PPM1A: variants seen among roughly 807,000 people sequenced by gnomAD.
PPM1A encodes the protein protein phosphatase, Mg2+/Mn2+ dependent 1A, also known as protein phosphatase 1A.
Under a neutral mutation model 35.0 loss-of-function variants are expected in PPM1A, and 7 were observed. The ratio of observed to expected loss-of-function variants is 0.20; its 90% confidence interval spans 0.11 to 0.38. The LOEUF is 0.38. PPM1A is among the 10% of genes least tolerant of loss of function. The pLI is 1.00. For synonymous variants in PPM1A, 153 were observed against 167.3 expected, an observed-to-expected ratio of 0.91 and a Z score of 0.66; for missense variants, 239 against 467.8, an observed-to-expected ratio of 0.51 and a Z score of 4.51.
rs1191601250 is a variant in PPM1A at position 60,273,915 on chromosome 14, C to T, written c.-20-8769C>T. Among the ~76,000 whole-genome samples, 1 of 152,158 alleles carries T rather than the reference C, an allele frequency of 6.6e-6. No individual in the cohort carries two copies. Among genetic ancestry groups the T allele is most frequent in the African/African-American group, 2.4e-5 (1 of 41,418 alleles). ...CTCCTGGATTCAAGCAATCTTACCGCCCCAGCCTCCAAGCAGTTGGGACTA... is the reference window on the plus strand; with the variant it reads ...CTCCTGGATTCAAGCAATCTTACCGTCCCAGCCTCCAAGCAGTTGGGACTA... On this transcript the variant is annotated intron_variant, in intron 1 of 5. Coordinates refer to ENST00000395076, the MANE Select transcript of PPM1A (RefSeq NM_021003.5). The surrounding 1 kb of genome is among the most constrained non-coding windows in gnomAD (Gnocchi z 4.3).
chr14:60,285,491 T>C (rs1446111662), intron 2 of PPM1A, 133 bp from the exon 3 acceptor site: 4 of 867,768 alleles, frequency 4.6e-6, no homozygotes, highest in East Asian at 2.6e-5. Context: ...CGTGCACATA[T>C]GTATTTTTTT....
At chr14:60,260,204 G>C (rs905185637) in intron 1 of PPM1A, among the ~76,000 whole-genome samples, 1 of 152,028 alleles carries the variant, frequency 6.6e-6, no homozygotes. Flanking sequence ...TTTGCTTTTT[G>C]AAATTTTGTA....
upstream of PPM1A, among the ~76,000 whole-genome samples, chr14:60,246,407 T>A (rs370907410): frequency 1.3e-5 from 2 of 152,254 alleles, no homozygotes; most frequent in Non-Finnish European, 2.9e-5. Context: ...TTCAGGACTT[T>A]AAAGCCAATC....
At chr14:60,276,461 A>G (rs1256445476) in intron 1 of PPM1A, among the ~76,000 whole-genome samples, 2 of 152,158 alleles carry the variant, frequency 1.3e-5, no homozygotes, top group African/African-American at 2.4e-5. Flanking sequence ...AAGGTCCTCT[A>G]GTTACCAGTA....
At chr14:60,268,561 CTTTTA>C (rs144560495) in intron 1 of PPM1A, 14,780 of 259,430 alleles carry the variant, frequency 0.057, 792 homozygotes, top group African/African-American at 0.18. Context: ...ATTCCTTCAG[CTTTTA>C]TTTTATTTTG....
chr14:60,255,852 A>C (rs1883065632), intron 1 of PPM1A, among the ~76,000 whole-genome samples: 1 of 152,172 alleles, frequency 6.6e-6, no homozygotes, highest in South Asian at 2.1e-4. Flanking sequence ...TTAACTTCCT[A>C]CATTTTGGCT....
intron 1 of PPM1A, among the ~76,000 whole-genome samples, chr14:60,261,049 C>T (rs753670950): frequency 6.7e-6 from 1 of 149,668 alleles, no homozygotes; most frequent in East Asian, 2.1e-4. Context: ...CCCGAAAATA[C>T]CACTTAAGTC....
Position 60,273,954 on chromosome 14 carries a change from C to G in PPM1A, c.-20-8730C>G, listed in dbSNP as rs970800457. Among the ~76,000 whole-genome samples the G allele has an allele frequency of 6.6e-5, 10 of 152,194 alleles. No homozygotes were observed. Among genetic ancestry groups the G allele is most frequent in the African/African-American group, 2.4e-4 (10 of 41,448 alleles). ...CAGTTGGGACTACAAGTATGCAACACCGCACCCAGTGAATGTTCTTGGTTT... is the reference window on the plus strand; with the variant it reads ...CAGTTGGGACTACAAGTATGCAACAGCGCACCCAGTGAATGTTCTTGGTTT... On this transcript the variant is annotated intron_variant, in intron 1 of 5. Coordinates refer to ENST00000395076, the MANE Select transcript of PPM1A (RefSeq NM_021003.5). This position sits in a 1 kb window ranked among gnomAD's most constrained non-coding sequence, Gnocchi z 4.3.
chr14:60,286,733 G>A (rs1887056212), intron 3 of PPM1A: 1 of 983,106 alleles, frequency 1.0e-6, no homozygotes, highest in Non-Finnish European at 1.2e-6. Flanking sequence ...TCTGATACTA[G>A]AATCATGATT....
intron 1 of PPM1A, among the ~76,000 whole-genome samples, chr14:60,263,786 A>G (rs1434478450): frequency 2.0e-5 from 3 of 152,174 alleles, no homozygotes; most frequent in African/African-American, 7.2e-5. Flanking sequence ...CATTTTGTCC[A>G]TAGATGTACT....
upstream of PPM1A, among the ~76,000 whole-genome samples, chr14:60,246,386 C>T (rs554993475): frequency 9.2e-5 from 14 of 152,334 alleles, no homozygotes; most frequent in Middle Eastern, 3.4e-3. Context: ...AGGCTATCAA[C>T]ACACACTAAA....
intron 5 of PPM1A, 111 bp downstream of exon 5, chr14:60,291,565 C>G: frequency 1.3e-6 from 1 of 750,206 alleles, no homozygotes; most frequent in South Asian, 3.2e-5. Context: ...TTACACACAC[C>G]CCTGATTGAT....
At position 60,285,737 on chromosome 14, in the gene PPM1A, A is replaced by G; in HGVS notation, c.948A>G (p.Val316=). 1.2e-6 allele frequency: 2 copies of G among 1,612,146 alleles called. No homozygotes were observed. Among genetic ancestry groups the G allele is most frequent in the Non-Finnish European group, 1.7e-6 (2 of 1,179,312 alleles). The change falls in exon 3 of 6, where the codon GTA becomes GTG. Residue 316 remains valine (V), a synonymous_variant. Coordinates refer to ENST00000395076, the MANE Select transcript of PPM1A (RefSeq NM_021003.5). ...TGGACAAGTACCTGGAATGCAGAGT[A>G]GAAGGTGGATCATTTAACAAAAAAT... ...AELDKYLECR[V]EEIIKKQGEG...
At chr14:60,278,368 A>G (rs1446069735) in intron 1 of PPM1A, among the ~76,000 whole-genome samples, 1 of 148,088 alleles carries the variant, frequency 6.8e-6, no homozygotes, top group Non-Finnish European at 1.5e-5. Flanking sequence ...TTCTTAGTAC[A>G]GGTAACTTTT....
At chr14:60,285,332 G>A (rs1303459596) in intron 2 of PPM1A, among the ~76,000 whole-genome samples, 1 of 152,182 alleles carries the variant, frequency 6.6e-6, no homozygotes, top group Non-Finnish European at 1.5e-5. Context: ...TTTAGAAATA[G>A]TATTGTTTTA....
intron 1 of PPM1A, chr14:60,267,314 A>C (rs1007711175): frequency 1.3e-5 from 2 of 152,080 alleles, no homozygotes; most frequent in Admixed American, 6.6e-5. Flanking sequence ...TTAAGGAATA[A>C]ATTTTATCAA....
intron 3 of PPM1A, chr14:60,288,425 G>A: frequency 4.1e-6 from 4 of 984,532 alleles, no homozygotes; most frequent in Non-Finnish European, 4.8e-6. Flanking sequence ...GTTTTAGATT[G>A]TGAAATTGTG....
chr14:60,250,264 G>A (rs1882226362), intron 1 of PPM1A: 1 of 179,224 alleles, frequency 5.6e-6, no homozygotes, highest in Non-Finnish European at 1.1e-5. Flanking sequence ...CATTATTAAG[G>A]CATCGAACAA....
chr14:60,270,582 A>G (rs770390919), intron 1 of PPM1A, among the ~76,000 whole-genome samples: 4 of 152,192 alleles, frequency 2.6e-5, no homozygotes, highest in Non-Finnish European at 4.4e-5. Flanking sequence ...CCCCCTTGGA[A>G]TTTAACAGGC....
Sources: allele counts gnomAD v4.1 joint callset (sites outside exome capture counted in the v4.1 genomes callset), GRCh38; gene constraint gnomAD v4.1.1; non-coding constraint Gnocchi (gnomAD v3.1); transcripts MANE v1.5; gene names NCBI Gene and HGNC (gene_info 2026-07-23, HGNC 2026-07-21).